The following HTR1F variants were observed in gnomAD, a reference collection of about 807,000 sequenced individuals.
HTR1F encodes 5-hydroxytryptamine (serotonin) receptor 1F, G protein-coupled.
A neutral mutation model predicts 24.0 loss-of-function variants in HTR1F; 17 were observed. The ratio of observed to expected loss-of-function variants is 0.71; its 90% CI spans 0.48 to 1.06. HTR1F has a LOEUF of 1.06. Among genes scored for constraint, HTR1F ranks in the 50% least tolerant of loss-of-function variants. The pLI, the probability that HTR1F is intolerant of heterozygous loss-of-function variation, is 0.00. For missense variants in HTR1F, 391 were observed against 427.8 expected, an observed-to-expected ratio of 0.91 and a Z score of 0.76; for synonymous variants, 186 against 156.8, an observed-to-expected ratio of 1.19 and a Z score of -1.39.
intron 2 of HTR1F, among the ~76,000 whole-genome samples, chr3:87,854,015 C>T (rs780208250): frequency 3.3e-5 from 5 of 151,986 alleles, no homozygotes; most frequent in Non-Finnish European, 7.4e-5. Flanking sequence ...TAAAATTTGG[C>T]TATAAATCTA....
At chr3:87,900,693 T>G (rs1706301732) in intron 2 of HTR1F, among the ~76,000 whole-genome samples, 1 of 152,118 alleles carries the variant, frequency 6.6e-6, no homozygotes, top group Non-Finnish European at 1.5e-5. Flanking sequence ...GCCAATAAAA[T>G]TTGCTGATGT....
At chr3:87,959,243 A>G (rs1401293424) in intron 2 of HTR1F, among the ~76,000 whole-genome samples, 1 of 151,734 alleles carries the variant, frequency 6.6e-6, no homozygotes, top group Non-Finnish European at 1.5e-5. Context: ...TCACATTTTT[A>G]TGGTTGGAAT....
intron 2 of HTR1F, among the ~76,000 whole-genome samples, chr3:87,947,798 T>TGTC (rs1704743933): frequency 6.6e-6 from 1 of 152,048 alleles, no homozygotes; most frequent in Non-Finnish European, 1.5e-5. Flanking sequence ...ATATTTATTA[T>TGTC]ATAACTATTA....
intron 2 of HTR1F, among the ~76,000 whole-genome samples, chr3:87,848,167 G>A (rs1297305336): frequency 6.6e-6 from 1 of 151,674 alleles, no homozygotes; most frequent in Non-Finnish European, 1.5e-5. Context: ...GCACATCCTT[G>A]CCATCATCTG....
chr3:87,803,249 T>C (rs961746208), intron 1 of HTR1F, among the ~76,000 whole-genome samples: 11 of 152,176 alleles, frequency 7.2e-5, no homozygotes, highest in African/African-American at 2.4e-4. Flanking sequence ...ATCTTAGTCA[T>C]AATCCTGGAA....
chr3:87,921,437 C>CT (rs1027616974), intron 2 of HTR1F, among the ~76,000 whole-genome samples: 1 of 151,708 alleles, frequency 6.6e-6, no homozygotes, highest in Admixed American at 6.6e-5. Flanking sequence ...ATATAACATG[C>CT]TTTTTTTATA....
At chr3:87,951,919 C>A (rs9917757) in intron 2 of HTR1F, among the ~76,000 whole-genome samples, 1 of 151,936 alleles carries the variant, frequency 6.6e-6, no homozygotes, top group Admixed American at 6.6e-5. Flanking sequence ...TGGAATAATG[C>A]GGCATGTAGT....
intron 2 of HTR1F, among the ~76,000 whole-genome samples, chr3:87,911,535 T>A (rs146826974): frequency 3.3e-5 from 5 of 152,180 alleles, no homozygotes; most frequent in African/African-American, 1.2e-4. Context: ...AAGAGCTGGT[T>A]AACATTTCTA....
intron 2 of HTR1F, among the ~76,000 whole-genome samples, chr3:87,881,473 G>A (rs899398140): frequency 6.6e-6 from 1 of 152,166 alleles, no homozygotes; most frequent in African/African-American, 2.4e-5. Flanking sequence ...AAGGCCTACT[G>A]CCTCTGTTGA....
At chr3:87,891,055 G>A (rs1416202309) in intron 2 of HTR1F, among the ~76,000 whole-genome samples, 2 of 151,886 alleles carry the variant, frequency 1.3e-5, no homozygotes, top group African/African-American at 2.4e-5. Flanking sequence ...TGGCCAGCCT[G>A]GTCTTGAACT....
At chr3:87,887,794 G>A (rs1011174767) in intron 2 of HTR1F, among the ~76,000 whole-genome samples, 28 of 152,252 alleles carry the variant, frequency 1.8e-4, no homozygotes, top group African/African-American at 6.0e-4. Context: ...CAGTTAGAAC[G>A]GCGATCATTA....
intron 2 of HTR1F, among the ~76,000 whole-genome samples, chr3:87,928,737 A>G (rs1200504295): frequency 6.6e-6 from 1 of 152,166 alleles, no homozygotes; most frequent in Non-Finnish European, 1.5e-5. Context: ...GCTTACTTTT[A>G]TTTCTACAAG....
chr3:87,856,501 G>A (rs1272608319), intron 2 of HTR1F, among the ~76,000 whole-genome samples: 2 of 152,006 alleles, frequency 1.3e-5, no homozygotes, highest in African/African-American at 4.8e-5. Context: ...AACATAATTT[G>A]AAAGTTTAAA....
chr3:87,991,211 C>T lies in HTR1F; in HGVS notation c.462C>T (p.Ile154=). 1 of 1,613,974 alleles carries T rather than the reference C, an allele frequency of 6.2e-7. No individual in the cohort carries two copies. The highest frequency in any genetic ancestry group is 8.5e-7 in the Non-Finnish European group (1 of 1,179,964). The change falls in exon 3 of 3, where the codon ATC becomes ATT. Residue 154 remains isoleucine (I), a synonymous_variant. Transcript: ENST00000319595. ...TAGTTTGGATTATATCTGTTTTTAT[C>T]TCTATGCCTCCTCTATTCTGGAGGC... ...ITIVWIISVF[I]SMPPLFWRHQ... is the part of the protein sequence containing the mutation.
chr3:87,812,294 G>A (rs1468404844), intron 1 of HTR1F, among the ~76,000 whole-genome samples: 1 of 152,160 alleles, frequency 6.6e-6, no homozygotes, highest in Non-Finnish European at 1.5e-5. Context: ...TAATGGTTTT[G>A]ACCAACATGC....
intron 2 of HTR1F, among the ~76,000 whole-genome samples, chr3:87,970,043 G>C (rs1255306274): frequency 6.6e-6 from 1 of 152,214 alleles, no homozygotes. Flanking sequence ...GTGGAACTGT[G>C]AGTCTTTTAA....
chr3:87,793,180 C>T (rs73845066), intron 1 of HTR1F: 3,218 of 152,582 alleles, frequency 0.021, 98 homozygotes, highest in African/African-American at 0.073. Flanking sequence ...CCGGCGAGAC[C>T]CCACTTAGGG....
intron 2 of HTR1F, among the ~76,000 whole-genome samples, chr3:87,963,530 T>C (rs1343666275): frequency 1.3e-5 from 2 of 152,166 alleles, no homozygotes; most frequent in Non-Finnish European, 2.9e-5. Context: ...TGCTGTGTAT[T>C]GTCCTCCAAG....
chr3:87,903,826 A>ATG (rs1298914235), intron 2 of HTR1F, among the ~76,000 whole-genome samples: 75 of 152,274 alleles, frequency 4.9e-4, no homozygotes, highest in African/African-American at 1.7e-3. Flanking sequence ...GCATGCACAC[A>ATG]TATGTTTATT....
Sources: allele counts gnomAD v4.1 joint callset (sites outside exome capture counted in the v4.1 genomes callset), GRCh38; gene constraint gnomAD v4.1.1; transcripts MANE v1.5; gene names NCBI Gene and HGNC (gene_info 2026-07-23, HGNC 2026-07-21).